ELAC1: variants seen among roughly 807,000 people sequenced by gnomAD.
ELAC1 encodes zinc phosphodiesterase ELAC protein 1.
A neutral mutation model predicts 25.8 loss-of-function variants in ELAC1; 19 were observed. That is an observed-to-expected ratio of 0.74 (90% confidence interval 0.51 to 1.08). The LOEUF is 1.08. ELAC1 is among the 50% of genes least tolerant of loss of function. The pLI, the probability that ELAC1 is intolerant of heterozygous loss-of-function variation, is 0.00. For missense variants in ELAC1, 403 were observed against 434.6 expected, an observed-to-expected ratio of 0.93 and a Z score of 0.65; for synonymous variants, 148 against 160.9, an observed-to-expected ratio of 0.92 and a Z score of 0.61.
At chr18:50,968,501 G>A (rs1266070735) in intron 1 of ELAC1, 2 of 152,346 alleles carry the variant, frequency 1.3e-5, no homozygotes, top group Non-Finnish European at 2.9e-5. Flanking sequence ...GACACTGCCT[G>A]CCTGAAAACG....
At chr18:50,969,636 GAGAC>G (rs1907595391) in intron 1 of ELAC1, 1 of 152,250 alleles carries the variant, frequency 6.6e-6, no homozygotes. Context: ...GTCAGAAAGA[GAGAC>G]AGCTAGACAA....
intron 1 of ELAC1, 148 bp from the exon 2 acceptor site, chr18:50,974,249 T>G: frequency 1.9e-6 from 1 of 536,532 alleles, no homozygotes; most frequent in Non-Finnish European, 2.9e-6. Flanking sequence ...TATTAAAACC[T>G]TACTGTGGAT....
intron 2 of ELAC1, among the ~76,000 whole-genome samples, chr18:50,981,194 G>T (rs143282344): frequency 3.8e-4 from 57 of 150,602 alleles, no homozygotes; most frequent in African/African-American, 1.3e-3. Context: ...ATAAGAGCAT[G>T]ATTTTTTAAA....
intron 1 of ELAC1, among the ~76,000 whole-genome samples, chr18:50,973,595 A>G (rs150010338): frequency 1.3e-5 from 2 of 152,358 alleles, no homozygotes; most frequent in African/African-American, 4.8e-5. Flanking sequence ...AGAAAGGGAA[A>G]GGGCTGATCA....
rs1908126644 is a variant in ELAC1, at chr18:50,986,982, A to G, written c.989A>G (p.Asp330Gly). ...GCCTTGGCCAGAGAAGGAGAAACAG[A>G]TGGCATTGCAGAACTAAAAAAGCAA... ...PVALAREGET[D>G]GIAELKKQAE... The change falls in exon 4 of 4, where the codon GAT becomes GGT. Residue 330 changes from aspartate (D) to glycine (G), a missense_variant. Physicochemically the swap from Asp to Gly is moderately conservative, Grantham distance 94. Transcript: ENST00000269466. The G allele has an allele frequency of 4.3e-6, 7 of 1,613,752 alleles. No individual in the cohort carries two copies. The Admixed American group carries it at 8.3e-5, about 19-fold the overall frequency.
chr18:50,971,146 A>G (rs912070710), intron 1 of ELAC1, among the ~76,000 whole-genome samples: 1 of 152,260 alleles, frequency 6.6e-6, no homozygotes, highest in Non-Finnish European at 1.5e-5. Flanking sequence ...GTCATTTTAC[A>G]TAGCTCTTTA....
intron 3 of ELAC1, among the ~76,000 whole-genome samples, chr18:50,986,011 CTTTTTTTTTTT>C (rs34348056): frequency 1.2e-5 from 1 of 85,010 alleles, no homozygotes; most frequent in Non-Finnish European, 2.2e-5. Context: ...TTGATTATAT[CTTTTTTTTTTT>C]TTTTTTTTTT....
chr18:50,983,691 TAAA>T (rs35648801), intron 2 of ELAC1, among the ~76,000 whole-genome samples: 5 of 128,826 alleles, frequency 3.9e-5, no homozygotes, highest in Non-Finnish European at 4.9e-5. Flanking sequence ...TCTACAAAAT[TAAA>T]AAAAAAAAAA....
At position 50,978,298 on chromosome 18, in the gene ELAC1, A is replaced by G. The variant is rs983636892; in HGVS notation, c.157+3737A>G. Among the ~76,000 whole-genome samples the G allele has an allele frequency of 2.6e-5, 4 of 152,062 alleles. 1 individual carries two copies. The highest frequency in any genetic ancestry group is 4.2e-4 in the South Asian group (2 of 4,818). ...CAATTTACTGTATCAGGCCATTTTC[A>G]TACTGCTATGAAGAAATACCCAAGA... On this transcript the variant is annotated intron_variant, in intron 2 of 3. Transcript: ENST00000269466.
intron 3 of ELAC1, among the ~76,000 whole-genome samples, chr18:50,986,011 CT>C (rs34348056): frequency 0.016 from 1,392 of 85,070 alleles, 9 homozygotes; most frequent in African/African-American, 0.037. Flanking sequence ...TTGATTATAT[CT>C]TTTTTTTTTT....
intron 1 of ELAC1, among the ~76,000 whole-genome samples, chr18:50,973,649 C>T (rs1259198059): frequency 6.6e-6 from 1 of 152,084 alleles, no homozygotes; most frequent in East Asian, 1.9e-4. Flanking sequence ...CATTAAATAC[C>T]ATCTCTTGCC....
chr18:50,970,455 C>T (rs529811516), intron 1 of ELAC1, among the ~76,000 whole-genome samples: 57 of 152,288 alleles, frequency 3.7e-4, no homozygotes, highest in African/African-American at 1.3e-3. Flanking sequence ...ATAAGGAAGC[C>T]TCTGCAAATA....
At chr18:50,968,591 G>A (rs1199483170) in intron 1 of ELAC1, 3 of 152,248 alleles carry the variant, frequency 2.0e-5, no homozygotes, top group African/African-American at 7.2e-5. Context: ...TCATCACCGG[G>A]GAATTGTGAT....
At chr18:50,978,859 G>A (rs958466796) in intron 2 of ELAC1, among the ~76,000 whole-genome samples, 32 of 152,340 alleles carry the variant, frequency 2.1e-4, no homozygotes, top group Admixed American at 1.6e-3. Flanking sequence ...GGAGGAAGGA[G>A]CTAATGCATA....
intron 2 of ELAC1, among the ~76,000 whole-genome samples, chr18:50,975,773 C>T (rs1365851908): frequency 1.3e-4 from 19 of 151,996 alleles, no homozygotes; most frequent in Admixed American, 1.2e-3. Context: ...TGCAAACGGA[C>T]AGTAATCAAT....
intron 1 of ELAC1, chr18:50,969,904 C>T (rs2144305320): frequency 6.6e-6 from 1 of 152,312 alleles, no homozygotes; most frequent in East Asian, 1.9e-4. Context: ...CAACCTGATC[C>T]ATACATTGCA....
intron 1 of ELAC1, among the ~76,000 whole-genome samples, chr18:50,971,890 G>A (rs936904957): frequency 7.9e-5 from 9 of 114,582 alleles, no homozygotes; most frequent in South Asian, 5.5e-4. Context: ...GTATATATAT[G>A]TATATATGTG....
intron 2 of ELAC1, among the ~76,000 whole-genome samples, chr18:50,981,405 G>A (rs575638214): frequency 4.0e-5 from 6 of 151,266 alleles, no homozygotes; most frequent in Non-Finnish European, 5.9e-5. Context: ...TTTTTCAACT[G>A]AGCAATGTAT....
Position 50,984,255 on chromosome 18 carries a change from C to T in ELAC1, c.317C>T (p.Thr106Ile). 1 of 1,614,148 alleles carries T rather than the reference C, an allele frequency of 6.2e-7. No individual in the cohort carries two copies. Among genetic ancestry groups the T allele is most frequent in the Non-Finnish European group, 8.5e-7 (1 of 1,180,026 alleles). ...GGGCTTCGGGACTTTATCTGGCGAACCATGGAACTCTCTCACACGGAGCTG... is the reference window on the plus strand; with the variant it reads ...GGGCTTCGGGACTTTATCTGGCGAATCATGGAACTCTCTCACACGGAGCTG... ...PVGLRDFIWR[T>I]MELSHTELVF... is the part of the protein sequence containing the mutation. Residue 106 changes from threonine (T) to isoleucine (I), a missense_variant, in exon 3 of 4, where the codon ACC becomes ATC. Physicochemically the swap from Thr to Ile is moderately conservative, Grantham distance 89. Transcript: ENST00000269466.
Sources: gnomAD v4.1 joint callset for allele counts (sites outside exome capture counted in the v4.1 genomes callset) on GRCh38, gnomAD v4.1.1 for gene constraint, MANE v1.5 for transcripts, NCBI Gene and HGNC (gene_info 2026-07-23, HGNC 2026-07-21) for gene names.